MTFR1: variants seen among roughly 807,000 people sequenced by gnomAD.
MTFR1 encodes the protein chondrocyte protein with a poly-proline region.
Under a neutral mutation model 38.8 loss-of-function variants are expected in MTFR1, and 28 were observed. That is an observed-to-expected ratio of 0.72 (90% CI 0.53 to 0.99). The LOEUF (loss-of-function observed/expected upper bound fraction) is 0.99, where lower values mean the gene tolerates loss of function less well. Ranked by LOEUF, MTFR1 falls within the 50% of genes least tolerant of loss-of-function variation. The pLI is 0.00. For missense variants in MTFR1, 358 were observed against 395.5 expected (o/e 0.91, Z 0.81); for synonymous variants, 145 against 137.0 (o/e 1.06, Z -0.41).
intron 3 of MTFR1, among the ~76,000 whole-genome samples, chr8:65,766,605 T>C (rs1023109772): frequency 2.0e-5 from 3 of 152,230 alleles, no homozygotes; most frequent in African/African-American, 4.8e-5. Context: ...CAGCCCAGCA[T>C]TGACGTCAGT....
intron 3 of MTFR1, among the ~76,000 whole-genome samples, chr8:65,684,577 G>A (rs575919685): frequency 1.3e-5 from 2 of 151,598 alleles, no homozygotes; most frequent in African/African-American, 2.4e-5. Flanking sequence ...TAGAGATGGG[G>A]TTTCTCCGTG....
In MTFR1 at chr8:65,709,128, G is replaced by C; in HGVS notation, c.*84G>C. Reference sequence around the variant, plus strand: ...TGCTAGTAGAAATCGACACTGTTTAGTAAATACCTCTTTAGTATTCAGTGG... The same window carrying C: ...TGCTAGTAGAAATCGACACTGTTTACTAAATACCTCTTTAGTATTCAGTGG... On this transcript the variant is annotated 3_prime_UTR_variant, in exon 8 of 8. Transcript: ENST00000262146. 1 of 1,156,516 alleles carries C rather than the reference G, an allele frequency of 8.6e-7. No homozygotes were observed. The highest frequency in any genetic ancestry group is 1.3e-6 in the Non-Finnish European group (1 of 766,116). 71.6% of individuals were successfully genotyped at this position (1,156,516 alleles called of 1,614,324 possible).
intron 5 of MTFR1, among the ~76,000 whole-genome samples, chr8:65,705,547 G>A (rs1337454978): frequency 6.6e-6 from 1 of 152,110 alleles, no homozygotes; most frequent in Non-Finnish European, 1.5e-5. Flanking sequence ...TAGGATAATG[G>A]CACCAACCAT....
At chr8:65,652,916 G>A (rs1585740799) in intron 1 of MTFR1, among the ~76,000 whole-genome samples, 1 of 152,194 alleles carries the variant, frequency 6.6e-6, no homozygotes, top group East Asian at 1.9e-4. Context: ...AGGCACTTGA[G>A]CATCTGTAGA....
At chr8:65,733,323 G>C (rs1806981199) in intron 3 of MTFR1, among the ~76,000 whole-genome samples, 1 of 152,110 alleles carries the variant, frequency 6.6e-6, no homozygotes. Flanking sequence ...CGCTGACCAG[G>C]TTAACCCTTT....
chr8:65,694,622 G>A (rs1805380545), intron 4 of MTFR1, among the ~76,000 whole-genome samples: 1 of 152,122 alleles, frequency 6.6e-6, no homozygotes, highest in African/African-American at 2.4e-5. Flanking sequence ...GGATCAATCT[G>A]GATCATAGTA....
intron 5 of MTFR1, among the ~76,000 whole-genome samples, chr8:65,706,363 T>C (rs1805780331): frequency 6.6e-6 from 1 of 152,198 alleles, no homozygotes; most frequent in East Asian, 1.9e-4. Context: ...AATAAACAAC[T>C]TTCTAACCTC....
chr8:65,761,605 G>T (rs1044303347), intron 3 of MTFR1, among the ~76,000 whole-genome samples: 15 of 152,138 alleles, frequency 9.9e-5, no homozygotes, highest in Non-Finnish European at 1.6e-4. Context: ...TGGCTTTGCT[G>T]GCTCTTTTCT....
intron 1 of MTFR1, among the ~76,000 whole-genome samples, chr8:65,646,072 A>G (rs1412608808): frequency 6.6e-6 from 1 of 152,224 alleles, no homozygotes; most frequent in African/African-American, 2.4e-5. Context: ...CAGAGTTACC[A>G]GATAATCTAG....
In MTFR1 at chr8:65,743,574, A is replaced by G. The variant is rs531193287; in HGVS notation, c.*48+24093A>G. On this transcript the variant is annotated intron_variant, in intron 3 of 3. Transcript: ENST00000521247. ...GCATAAGCAAACAGAAGGTATAGAC[A>G]AAGGTATTTCCACTAGGCATTGCCA... is the stretch of plus-strand genomic sequence containing the variant. 1.1e-4 allele frequency among the ~76,000 whole-genome samples: 16 copies of G among 152,374 alleles called. No individual in the cohort carries two copies. In the South Asian group the frequency reaches 3.1e-3, roughly 30 times the overall value.
At chr8:65,736,644 G>A (rs893411796) in intron 3 of MTFR1, among the ~76,000 whole-genome samples, 6 of 151,918 alleles carry the variant, frequency 3.9e-5, no homozygotes, top group African/African-American at 1.5e-4. Context: ...CTAGCTACTC[G>A]GGAGGCTGAG....
chr8:65,657,644 G>A (rs2129048432), intron 1 of MTFR1, among the ~76,000 whole-genome samples: 1 of 151,932 alleles, frequency 6.6e-6, no homozygotes, highest in Middle Eastern at 3.4e-3. Flanking sequence ...GTTTGAGGCT[G>A]TGGTGAGCAA....
At chr8:65,747,381 A>C (rs1380229522) in intron 3 of MTFR1, among the ~76,000 whole-genome samples, 2 of 152,206 alleles carry the variant, frequency 1.3e-5, no homozygotes, top group African/African-American at 2.4e-5. Context: ...GAGATCTTAT[A>C]GTTTAATGTT....
At chr8:65,738,231 A>G (rs973361933) in intron 3 of MTFR1, among the ~76,000 whole-genome samples, 16 of 152,092 alleles carry the variant, frequency 1.1e-4, no homozygotes, top group Admixed American at 1.0e-3. Flanking sequence ...ACCTTCATTA[A>G]GTTGTAATCT....
intron 3 of MTFR1, chr8:65,728,612 A>C (rs1181134071): frequency 6.6e-6 from 1 of 152,230 alleles, no homozygotes; most frequent in Non-Finnish European, 1.5e-5. Flanking sequence ...GCTGCTTACT[A>C]ATCAAGATGA....
downstream of MTFR1, among the ~76,000 whole-genome samples, chr8:65,774,694 CTAAA>C (rs1281172715): frequency 2.6e-5 from 4 of 151,368 alleles, no homozygotes; most frequent in Admixed American, 6.6e-5. Flanking sequence ...TATCTAATGG[CTAAA>C]TATTGTTTAA....
chr8:65,730,171 C>CTT lies in MTFR1; in HGVS notation c.*48+10715_*48+10716dup, dbSNP rs1179431555. On this transcript the variant is annotated intron_variant, in intron 3 of 3. Transcript: ENST00000521247. ...TGTGAGGGATCCAGGTTGCGCACTT[C>CTT]TTTTTTTTTTTTTTTTTTTTTTTTT... Among the ~76,000 whole-genome samples the CTT allele has an allele frequency of 5.1e-4, 44 of 86,446 alleles. 8 individuals carry two copies. The South Asian group carries it at 5.2e-3, about 10-fold the overall frequency. 56.7% of individuals were successfully genotyped at this position (86,446 alleles called of 152,430 possible). A position where few individuals can be genotyped will look rare whatever the true frequency, so the allele number is the denominator to read the frequency against.
chr8:65,655,492 T>G (rs187997016), intron 1 of MTFR1, among the ~76,000 whole-genome samples: 1 of 152,320 alleles, frequency 6.6e-6, no homozygotes, highest in East Asian at 1.9e-4. Flanking sequence ...GCATGAGCCA[T>G]ATGGAATATT....
chr8:65,647,191 TA>T (rs1433551505), intron 1 of MTFR1, among the ~76,000 whole-genome samples: 1 of 152,172 alleles, frequency 6.6e-6, no homozygotes, highest in Non-Finnish European at 1.5e-5. Flanking sequence ...GTTGACCTGA[TA>T]AATATAAAGG....
Sources: allele counts gnomAD v4.1 joint callset (sites outside exome capture counted in the v4.1 genomes callset), GRCh38; gene constraint gnomAD v4.1.1; transcripts MANE v1.5; gene names NCBI Gene and HGNC (gene_info 2026-07-23, HGNC 2026-07-21).